Variants in RAB3GAP2 observed in about 807,000 individuals in gnomAD.
The protein encoded by RAB3GAP2 is rab3 GTPase-activating protein non-catalytic subunit.
A neutral mutation model predicts 185.3 loss-of-function variants in RAB3GAP2; 87 were observed. The observed-to-expected ratio is 0.47, with a 90% CI of 0.39 to 0.56. The LOEUF (loss-of-function observed/expected upper bound fraction) is 0.56, where lower values mean the gene tolerates loss of function less well. RAB3GAP2 is among the 20% of genes least tolerant of loss of function. RAB3GAP2 has a pLI of 0.00. For synonymous variants in RAB3GAP2, 554 were observed against 576.1 expected, an observed-to-expected ratio of 0.96 and a Z score of 0.55; for missense variants, 1,492 against 1,638.2, an observed-to-expected ratio of 0.91 and a Z score of 1.54.
In RAB3GAP2 at chr1:220,150,989, T is replaced by G. The variant is rs1194550912; in HGVS notation, c.*262A>C. The G allele has an allele frequency of 2.4e-6, 1 of 422,178 alleles. No individual in the cohort carries two copies. The highest frequency in any genetic ancestry group is 3.5e-5 in the South Asian group (1 of 28,484). The allele number at this position is 422,178 out of a possible 1,614,324, so 26.2% of individuals were successfully genotyped here. ...TTAACAATAAAGCTACTTAAGTGTT[T>G]GAATTAGAAATAAACAGTAAAACAT... On this transcript the variant is annotated 3_prime_UTR_variant, in exon 35 of 35. Transcript: ENST00000358951.
intron 21 of RAB3GAP2, among the ~76,000 whole-genome samples, chr1:220,176,063 A>C (rs927168408): frequency 3.3e-5 from 5 of 152,204 alleles, no homozygotes; most frequent in Admixed American, 6.5e-5. Context: ...AAGTGAATAC[A>C]GAGATAAATT....
intron 17 of RAB3GAP2, among the ~76,000 whole-genome samples, chr1:220,187,315 G>A (rs774443995): frequency 1.2e-4 from 18 of 152,124 alleles, no homozygotes; most frequent in Admixed American, 3.9e-4. Flanking sequence ...GTAGACAGAG[G>A]TGCTAGGAGA....
chr1:220,156,093 G>A (rs1184395329), intron 31 of RAB3GAP2, among the ~76,000 whole-genome samples: 1 of 151,952 alleles, frequency 6.6e-6, no homozygotes, highest in African/African-American at 2.4e-5. Context: ...TGGGAGTACA[G>A]GCACACACCA....
chr1:220,272,160 GA>G, intron 1 of RAB3GAP2, 62 bp downstream of exon 1: 1 of 1,391,700 alleles, frequency 7.2e-7, no homozygotes, highest in Non-Finnish European at 1.0e-6. Context: ...TAGGAGACTC[GA>G]ACCCGTGAGC....
chr1:220,250,133 A>G (rs1397588809), intron 1 of RAB3GAP2, among the ~76,000 whole-genome samples: 3 of 152,116 alleles, frequency 2.0e-5, no homozygotes, highest in Non-Finnish European at 4.4e-5. Flanking sequence ...GGGAAAAGCC[A>G]CAGACACTCA....
chr1:220,169,664 T>C (rs1200236293), intron 24 of RAB3GAP2, among the ~76,000 whole-genome samples: 1 of 152,202 alleles, frequency 6.6e-6, no homozygotes, highest in Non-Finnish European at 1.5e-5. Context: ...CAAAAGTTAT[T>C]GGAGAGCAAG....
At chr1:220,248,919 T>G (rs972984213) in intron 1 of RAB3GAP2, among the ~76,000 whole-genome samples, 8 of 152,180 alleles carry the variant, frequency 5.3e-5, no homozygotes, top group African/African-American at 1.9e-4. Flanking sequence ...CATGTTTGCT[T>G]CCCCTTCTGC....
intron 2 of RAB3GAP2, among the ~76,000 whole-genome samples, chr1:220,228,960 G>A (rs1659451557): frequency 6.6e-6 from 1 of 152,186 alleles, no homozygotes; most frequent in South Asian, 2.1e-4. Context: ...AGAATGAGTA[G>A]AAGCATCTTT....
chr1:220,229,545 T>G (rs1268731948), intron 2 of RAB3GAP2, among the ~76,000 whole-genome samples: 1 of 152,188 alleles, frequency 6.6e-6, no homozygotes, highest in Non-Finnish European at 1.5e-5. Flanking sequence ...TGTGGCACAT[T>G]ATGACTAAAC....
chr1:220,226,766 GC>G (rs1177423653), intron 2 of RAB3GAP2, among the ~76,000 whole-genome samples: 1 of 151,944 alleles, frequency 6.6e-6, no homozygotes, highest in Non-Finnish European at 1.5e-5. Context: ...GTGTCCCCTT[GC>G]CCCCACCCCA....
intron 1 of RAB3GAP2, among the ~76,000 whole-genome samples, chr1:220,236,819 G>C: frequency 6.6e-6 from 1 of 152,086 alleles, no homozygotes; most frequent in East Asian, 1.9e-4. Context: ...AATATCATTA[G>C]TATTTTTTAA....
At position 220,205,973 on chromosome 1, in the gene RAB3GAP2, TG is replaced by T; in HGVS notation, c.645del (p.Ile216LeufsTer2). ...AGGCTAAATCCATCAATAGTCACAA[TG>T]GCAGCTGGATATAAGATACTCAACT... ...NEELSILYPA[A>X]IVTIDGFSLF... On this transcript the variant is annotated frameshift_variant, in exon 8 of 35. Coordinates refer to ENST00000358951, the MANE Select transcript of RAB3GAP2 (RefSeq NM_012414.4). LOFTEE classifies it high-confidence loss of function. The T allele has an allele frequency of 6.2e-7, 1 of 1,610,546 alleles. No individual in the cohort carries two copies. The highest frequency in any genetic ancestry group is 8.5e-7 in the Non-Finnish European group (1 of 1,177,204).
Position 220,153,348 on chromosome 1 carries a change from T to C in RAB3GAP2, c.3704A>G (p.Lys1235Arg). 6.2e-7 allele frequency: 1 copy of C among 1,614,212 alleles called. No individual in the cohort carries two copies. Among genetic ancestry groups the C allele is most frequent in the Non-Finnish European group, 8.5e-7 (1 of 1,180,024 alleles). The change falls in exon 33 of 35, where the codon AAA becomes AGA. Residue 1235 changes from lysine to arginine, a missense_variant. Transcript: ENST00000358951. ...VQAQHSATKV[K>R]DPTEEATPTP... ...GGGTGTGGCCTCTTCTGTGGGATCT[T>C]TGACCTTTGTGGCTGAATGTTGGGC... is the stretch of plus-strand genomic sequence containing the variant.
chr1:220,160,117 T>C (rs1307464036), intron 28 of RAB3GAP2, among the ~76,000 whole-genome samples: 2 of 152,098 alleles, frequency 1.3e-5, no homozygotes, highest in Non-Finnish European at 2.9e-5. Flanking sequence ...GGCACAATTG[T>C]TTGAAATAGA....
chr1:220,168,770 C>G (rs1346034631), intron 24 of RAB3GAP2, among the ~76,000 whole-genome samples: 1 of 152,188 alleles, frequency 6.6e-6, no homozygotes, highest in African/African-American at 2.4e-5. Flanking sequence ...AGCTAATCAA[C>G]AGCATTATAT....
chr1:220,243,361 A>G (rs958752258), intron 1 of RAB3GAP2, among the ~76,000 whole-genome samples: 1 of 152,054 alleles, frequency 6.6e-6, no homozygotes, highest in Non-Finnish European at 1.5e-5. Flanking sequence ...CTCAAAAAAA[A>G]AAAAAAAAAC....
At chr1:220,162,974 T>A (rs1290580339) in intron 27 of RAB3GAP2, among the ~76,000 whole-genome samples, 2 of 151,962 alleles carry the variant, frequency 1.3e-5, no homozygotes, top group Non-Finnish European at 2.9e-5. Flanking sequence ...CCAGAACCCA[T>A]CCCTATGAAA....
chr1:220,182,129 T>C, intron 21 of RAB3GAP2, 128 bp downstream of exon 21: 1 of 1,486,224 alleles, frequency 6.7e-7, no homozygotes, highest in South Asian at 1.3e-5. Context: ...TCTTTGATCA[T>C]TTTTAGAAAG....
chr1:220,272,287 G>A lies in RAB3GAP2; in HGVS notation c.51C>T (p.Ala17=), dbSNP rs1483325540. The change falls in exon 1 of 35, where the codon GCC becomes GCT. Residue 17 remains alanine, a synonymous_variant. Coordinates refer to ENST00000358951, the MANE Select transcript of RAB3GAP2 (RefSeq NM_012414.4). ...QFCYFQDLQA[A]RDFLFPHLRE... is the part of the protein sequence containing the mutation. Reference sequence around the variant, plus strand: ...GCAGGTGAGGAAAGAGGAAGTCCCGGGCGGCCTGGAGGTCCTGGAAGTAGC... The same window carrying A: ...GCAGGTGAGGAAAGAGGAAGTCCCGAGCGGCCTGGAGGTCCTGGAAGTAGC... 4 of 1,612,436 alleles carry A rather than the reference G, an allele frequency of 2.5e-6. No homozygotes were observed. The highest frequency in any genetic ancestry group is 3.4e-6 in the Non-Finnish European group (4 of 1,179,710).
Sources: allele counts gnomAD v4.1 joint callset (sites outside exome capture counted in the v4.1 genomes callset), GRCh38; gene constraint gnomAD v4.1.1; transcripts MANE v1.5; gene names NCBI Gene and HGNC (gene_info 2026-07-23, HGNC 2026-07-21).